HGF: variants seen among roughly 807,000 people sequenced by gnomAD.
HGF encodes the protein fibroblast-derived tumor cytotoxic factor.
HGF carries 39 observed loss-of-function variants against 111.6 expected under a neutral mutation model. That is an observed-to-expected ratio of 0.35 (90% CI 0.27 to 0.46). The LOEUF (loss-of-function observed/expected upper bound fraction) is 0.46, where lower values mean the gene tolerates loss of function less well. Ranked by LOEUF, HGF falls within the 20% of genes least tolerant of loss-of-function variation. HGF has a pLI of 1.00. For synonymous variants in HGF, 285 were observed against 294.8 expected, an observed-to-expected ratio of 0.97 and a Z score of 0.34; for missense variants, 735 against 910.5, an observed-to-expected ratio of 0.81 and a Z score of 2.48.
Position 81,758,687 on chromosome 7 carries a change from G to C in HGF, c.367+5C>G, listed in dbSNP as rs1292379623. 44 of 1,510,556 alleles carry C rather than the reference G, an allele frequency of 2.9e-5. No individual in the cohort carries two copies. Among genetic ancestry groups the C allele is most frequent in the Non-Finnish European group, 4.0e-5 (44 of 1,086,750 alleles). 93.6% of individuals were successfully genotyped at this position (1,510,556 alleles called of 1,614,324 possible). A position where few individuals can be genotyped will look rare whatever the true frequency, so the allele number is the denominator to read the frequency against. On this transcript the variant is annotated splice_donor_5th_base_variant and intron_variant, in intron 3 of 17. Coordinates refer to ENST00000222390, the MANE Select transcript of HGF (RefSeq NM_000601.6). ...TTATGCAATATTTAGGGAGAAGTCA[G>C]TTACCTTTGTTTTCATAGAGGTCAA... is the stretch of plus-strand genomic sequence containing the variant.
intron 2 of HGF, 125 bp from the exon 3 acceptor site, chr7:81,758,929 T>C: frequency 1.6e-6 from 1 of 609,042 alleles, no homozygotes; most frequent in Non-Finnish European, 2.9e-6. Flanking sequence ...TAATTACATA[T>C]ACATAATAAA....
At chr7:81,757,685 CTAAGA>C (rs1328514836) in intron 3 of HGF, among the ~76,000 whole-genome samples, 2 of 151,778 alleles carry the variant, frequency 1.3e-5, no homozygotes, top group African/African-American at 4.8e-5. Flanking sequence ...AAAAAGTTAC[CTAAGA>C]TAATTAATTT....
At chr7:81,758,825 A>T in intron 2 of HGF, 21 bp from the exon 3 acceptor site, 1 of 1,477,216 alleles carries the variant, frequency 6.8e-7, no homozygotes, top group Non-Finnish European at 9.5e-7. Flanking sequence ...TATCAGAATG[A>T]AAAGAAGAAA....
At chr7:81,742,665 C>T (rs1788052518) in intron 7 of HGF, 1 of 1,253,010 alleles carries the variant, frequency 8.0e-7, no homozygotes. Context: ...GGACCAAGTT[C>T]ACAGATTGAA....
chr7:81,725,983 C>T lies in HGF; in HGVS notation c.1075G>A (p.Gly359Arg), dbSNP rs1789996563. The change falls in exon 9 of 18, where the codon GGG becomes AGG. Residue 359 changes from glycine to arginine, a missense_variant. Physicochemically the swap from Gly to Arg is moderately radical, Grantham distance 125. Around this residue, in one of 3 missense-constraint regions of HGF, gnomAD observed 553 missense variants for 685.6 expected, o/e 0.81. Coordinates refer to ENST00000222390, the MANE Select transcript of HGF (RefSeq NM_000601.6). Reference sequence around the variant, plus strand: ...GTAAAACACCAGGGTGATTCAGACCCATCTGGATTTCGGCAGTAATTTTCT... The same window carrying T: ...GTAAAACACCAGGGTGATTCAGACCTATCTGGATTTCGGCAGTAATTTTCT... The part of the protein sequence containing the change: ...LRENYCRNPD[G>R]SESPWCFTTD... 5.6e-6 allele frequency: 9 copies of T among 1,613,758 alleles called. No individual in the cohort carries two copies. Among genetic ancestry groups the T allele is most frequent in the Non-Finnish European group, 7.6e-6 (9 of 1,179,738 alleles).
At chr7:81,705,337 T>G in intron 17 of HGF, 53 bp downstream of exon 17, 1 of 1,543,532 alleles carries the variant, frequency 6.5e-7, no homozygotes. Context: ...AAAATAAACA[T>G]GAAACACTAA....
intron 11 of HGF, among the ~76,000 whole-genome samples, chr7:81,714,086 A>G (rs1237501773): frequency 6.6e-6 from 1 of 150,468 alleles, no homozygotes; most frequent in Non-Finnish European, 1.5e-5. Flanking sequence ...ACTTTCTCCC[A>G]CTCTTCTTAA....
rs59876148 is a variant in HGF at position 81,705,870 on chromosome 7, TA to T, written c.1758-118del. 0.56 allele frequency: 298,448 copies of T among 536,616 alleles called. 46,978 individuals are homozygous for T. Among genetic ancestry groups the T allele is most frequent in the African/African-American group, 0.77 (37,010 of 47,798 alleles). 33.2% of individuals were successfully genotyped at this position (536,616 alleles called of 1,614,324 possible). On this transcript the variant is annotated intron_variant, in intron 15 of 17. Transcript: ENST00000222390. ...TTACAGAGAATGAAGTCCTGTTTCT[TA>T]AAAAAAAAAAAAAAAAGGTGGGAAT...
At chr7:81,732,199 G>A (rs1374779454) in intron 7 of HGF, among the ~76,000 whole-genome samples, 1 of 152,062 alleles carries the variant, frequency 6.6e-6, no homozygotes, top group Non-Finnish European at 1.5e-5. Flanking sequence ...CTAGTTCAAG[G>A]CTCAGTCCAT....
In HGF at chr7:81,762,856, T is replaced by C. The variant is rs750744461; in HGVS notation, c.105A>G (p.Arg35=). 17 of 1,555,590 alleles carry C rather than the reference T, an allele frequency of 1.1e-5. No homozygotes were observed. In the East Asian group the frequency reaches 3.1e-4, roughly 29 times the overall value. Residue 35 remains arginine (R), a synonymous_variant, in exon 2 of 18, where the codon AGA becomes AGG. Coordinates refer to ENST00000222390, the MANE Select transcript of HGF (RefSeq NM_000601.6). ...TTTTGAATTCATGAATTGTATTTCT[T>C]CTTTTCCTTTGTCCCTCTATTAAAT... ...AIPYAEGQRK[R]RNTIHEFKKS...
chr7:81,705,698 T>C lies in HGF; in HGVS notation c.1813A>G (p.Thr605Ala), dbSNP rs1583913978. ...CTGCAACTGGTCTTTTCAGGAATTG[T>C]GCATCCATAATTAGGTAAATCAATC... Reference protein sequence around the residue: ...STIDLPNYGCTIPEKTSCSVY... With the variant: ...STIDLPNYGCAIPEKTSCSVY... The change falls in exon 16 of 18, where the codon ACA becomes GCA. Residue 605 changes from threonine (T) to alanine (A), a missense_variant. Thr to Ala is a moderately conservative substitution (Grantham distance 58, BLOSUM62 0). This residue lies in a region of HGF where 130 missense variants were observed against 129.9 expected (regional missense o/e 1.00). Coordinates refer to ENST00000222390, the MANE Select transcript of HGF (RefSeq NM_000601.6). The C allele has an allele frequency of 3.1e-6, 5 of 1,612,784 alleles. No homozygotes were observed. Among genetic ancestry groups the C allele is most frequent in the Non-Finnish European group, 3.4e-6 (4 of 1,179,118 alleles).
intron 13 of HGF, among the ~76,000 whole-genome samples, chr7:81,707,684 C>T (rs892560845): frequency 1.3e-5 from 2 of 152,010 alleles, no homozygotes; most frequent in East Asian, 1.9e-4. Context: ...TTGTGAGGAA[C>T]GTATGTGCTA....
At chr7:81,741,583 C>CTGTGTGTG (rs78641495) in intron 7 of HGF, among the ~76,000 whole-genome samples, 171 of 140,650 alleles carry the variant, frequency 1.2e-3, no homozygotes, top group African/African-American at 3.6e-3. Flanking sequence ...GTGTGTGTGT[C>CTGTGTGTG]TGTGTGTGTG....
intron 17 of HGF, 47 bp from the exon 18 acceptor site, chr7:81,702,804 A>G (rs764095006): frequency 2.7e-6 from 4 of 1,498,234 alleles, no homozygotes; most frequent in Non-Finnish European, 3.7e-6. Flanking sequence ...GAATTAAAAA[A>G]AAGCTCATTA....
intron 12 of HGF, among the ~76,000 whole-genome samples, chr7:81,710,586 T>C (rs1052045344): frequency 4.6e-5 from 7 of 152,120 alleles, no homozygotes; most frequent in Non-Finnish European, 8.8e-5. Flanking sequence ...CAAAGTTATT[T>C]ACAATGGTTA....
chr7:81,767,875 C>A (rs1303238314), intron 1 of HGF, among the ~76,000 whole-genome samples: 12 of 152,082 alleles, frequency 7.9e-5, no homozygotes, highest in African/African-American at 2.9e-4. Flanking sequence ...TAAAAAAGAA[C>A]AAACTTTGTG....
At chr7:81,753,516 A>C (rs534647805) in intron 4 of HGF, among the ~76,000 whole-genome samples, 1 of 152,118 alleles carries the variant, frequency 6.6e-6, no homozygotes, top group Non-Finnish European at 1.5e-5. Context: ...GAAACTTCTA[A>C]TAAACCATCA....
rs1305016585 is a variant in HGF, at chr7:81,757,186, T to C, written c.482+3A>G. On this transcript the variant is annotated splice_donor_region_variant and intron_variant, in intron 4 of 17. Coordinates refer to ENST00000222390, the MANE Select transcript of HGF (RefSeq NM_000601.6). ...TCATCTCTTTTCTTCATACTGTTCT[T>C]ACCTGTGTTCGTGTGGTATCATGGA... 7.0e-7 allele frequency: 1 copy of C among 1,420,098 alleles called. No individual in the cohort carries two copies. The highest frequency in any genetic ancestry group is 1.1e-5 in the South Asian group (1 of 87,164). The allele number at this position is 1,420,098 out of a possible 1,614,324, so 88.0% of individuals were successfully genotyped here.
At chr7:81,768,223 T>C (rs922002487) in intron 1 of HGF, among the ~76,000 whole-genome samples, 2 of 152,222 alleles carry the variant, frequency 1.3e-5, no homozygotes, top group Non-Finnish European at 2.9e-5. Flanking sequence ...TTTTCCACAC[T>C]GCGTTCCCCT....
Sources: allele counts gnomAD v4.1 joint callset (sites outside exome capture counted in the v4.1 genomes callset), GRCh38; gene constraint gnomAD v4.1.1; regional missense constraint gnomAD v4.1.1; transcripts MANE v1.5; gene names NCBI Gene and HGNC (gene_info 2026-07-23, HGNC 2026-07-21).